DOCK1: variants seen among roughly 807,000 people sequenced by gnomAD.
DOCK1 encodes dedicator of cytokinesis protein 1.
Under a neutral mutation model 262.7 loss-of-function variants are expected in DOCK1, and 138 were observed. The ratio of observed to expected loss-of-function variants is 0.53; its 90% confidence interval spans 0.46 to 0.61. The LOEUF (loss-of-function observed/expected upper bound fraction) is 0.61. Ranked by LOEUF, DOCK1 falls within the 20% of genes least tolerant of loss-of-function variation. The pLI, the probability that DOCK1 is intolerant of heterozygous loss-of-function variation, is 0.00. For synonymous variants in DOCK1, 866 were observed against 867.4 expected (o/e 1.00, Z 0.03); for missense variants, 1,908 against 2,370.7 (o/e 0.80, Z 4.05).
chr10:127,061,327 C>T (rs560490397), intron 22 of DOCK1, among the ~76,000 whole-genome samples: 3 of 152,192 alleles, frequency 2.0e-5, no homozygotes, highest in Non-Finnish European at 4.4e-5. Flanking sequence ...GCTGAATTTC[C>T]CCATCCTCTT....
intron 1 of DOCK1, among the ~76,000 whole-genome samples, chr10:126,961,883 C>G (rs2037251257): frequency 6.6e-6 from 1 of 152,230 alleles, no homozygotes; most frequent in African/African-American, 2.4e-5. Flanking sequence ...TGCTGGATCT[C>G]ATGGTAATTT....
At chr10:126,996,535 ATTTTTTTTTTTTT>A (rs10538924) in intron 6 of DOCK1, among the ~76,000 whole-genome samples, 200 bp from the exon 7 acceptor site, 3 of 136,204 alleles carry the variant, frequency 2.2e-5, no homozygotes, top group African/African-American at 8.2e-5. Flanking sequence ...AAAATTGAGG[ATTTTTTTTTTTTT>A]TTTTTTTTTT....
chr10:127,280,906 G>T (rs1403376468), intron 29 of DOCK1, among the ~76,000 whole-genome samples: 3 of 152,276 alleles, frequency 2.0e-5, no homozygotes, highest in South Asian at 2.1e-4. Context: ...AGGAAGTGAA[G>T]ATCACGTCAG....
intron 27 of DOCK1, among the ~76,000 whole-genome samples, chr10:127,155,333 G>A (rs1246259376): frequency 6.6e-6 from 1 of 152,128 alleles, no homozygotes; most frequent in Non-Finnish European, 1.5e-5. Context: ...AAACTCAGAC[G>A]TGACCTCATG....
intron 12 of DOCK1, among the ~76,000 whole-genome samples, chr10:127,017,385 A>G (rs1194809534): frequency 6.6e-6 from 1 of 152,152 alleles, no homozygotes; most frequent in Non-Finnish European, 1.5e-5. Flanking sequence ...ACACAGACAT[A>G]CATACAGATA....
At chr10:127,218,140 T>G (rs2058290912) in intron 27 of DOCK1, among the ~76,000 whole-genome samples, 1 of 152,230 alleles carries the variant, frequency 6.6e-6, no homozygotes, top group African/African-American at 2.4e-5. Context: ...ATCTCATTAA[T>G]CTAAGAGAAT....
chr10:126,920,318 T>A (rs1591315988), intron 1 of DOCK1, among the ~76,000 whole-genome samples: 1 of 152,360 alleles, frequency 6.6e-6, no homozygotes, highest in East Asian at 1.9e-4. Context: ...TAAAACACTT[T>A]CCTAGTCCCC....
chr10:126,987,866 A>G (rs971678506), intron 5 of DOCK1, among the ~76,000 whole-genome samples: 3 of 152,064 alleles, frequency 2.0e-5, no homozygotes, highest in African/African-American at 7.2e-5. Context: ...GGACTGTAGG[A>G]TGTGTCTTTC....
chr10:127,253,774 C>T (rs2059736648), intron 28 of DOCK1, among the ~76,000 whole-genome samples: 1 of 149,522 alleles, frequency 6.7e-6, no homozygotes, highest in Admixed American at 6.8e-5. Flanking sequence ...ACTTGGGAGG[C>T]TGAGGCAGGA....
chr10:127,061,953 T>TG (rs2045562715), intron 23 of DOCK1, among the ~76,000 whole-genome samples, 177 bp downstream of exon 23: 1 of 92,162 alleles, frequency 1.1e-5, no homozygotes, highest in Non-Finnish European at 2.2e-5. Context: ...TTTTTTTTTT[T>TG]TGAGACAGAA....
chr10:127,291,370 A>G (rs1332838496), intron 29 of DOCK1, among the ~76,000 whole-genome samples: 1 of 152,182 alleles, frequency 6.6e-6, no homozygotes, highest in Non-Finnish European at 1.5e-5. Context: ...TCTCAGTCTC[A>G]GCCCCCACAA....
At chr10:126,964,990 T>C (rs2134598059) in intron 1 of DOCK1, among the ~76,000 whole-genome samples, 1 of 152,328 alleles carries the variant, frequency 6.6e-6, no homozygotes, top group Non-Finnish European at 1.5e-5. Flanking sequence ...TGCATTTTTA[T>C]TGAGTGCCTG....
At chr10:127,426,268 T>A (rs909052410) in intron 47 of DOCK1, among the ~76,000 whole-genome samples, 1 of 152,248 alleles carries the variant, frequency 6.6e-6, no homozygotes, top group Non-Finnish European at 1.5e-5. Flanking sequence ...CCTCACCTGC[T>A]GTGAACACAG....
Position 127,318,582 on chromosome 10 carries a change from C to T in DOCK1, c.3045-20424C>T, listed in dbSNP as rs537382166. On this transcript the variant is annotated intron_variant, in intron 29 of 51. Coordinates refer to ENST00000623213, the MANE Select transcript of DOCK1 (RefSeq NM_001290223.2). ...CAAGGCCACTCTGATGACTGCTTTC[C>T]CTCCCTGAGCCTCCTGCAGTGAGAG... is the stretch of plus-strand genomic sequence containing the variant. 2.6e-5 allele frequency among the ~76,000 whole-genome samples: 4 copies of T among 152,356 alleles called. No homozygotes were observed. In the East Asian group the frequency reaches 7.7e-4, roughly 29 times the overall value.
At chr10:126,969,771 C>T (rs772590067) in intron 1 of DOCK1, among the ~76,000 whole-genome samples, 1 of 152,002 alleles carries the variant, frequency 6.6e-6, no homozygotes, top group Admixed American at 6.5e-5. Context: ...TGGGAAGGTA[C>T]GGTGGCCCGT....
At chr10:127,197,762 G>C (rs1326913315) in intron 27 of DOCK1, among the ~76,000 whole-genome samples, 1 of 152,164 alleles carries the variant, frequency 6.6e-6, no homozygotes. Flanking sequence ...CCAAGCCATA[G>C]CTCCATCCTT....
At chr10:127,142,199 C>T (rs777283532) in intron 27 of DOCK1, among the ~76,000 whole-genome samples, 36 of 152,194 alleles carry the variant, frequency 2.4e-4, no homozygotes, top group Non-Finnish European at 4.1e-4. Context: ...GCTGTGTGCA[C>T]CTGCTTTCCC....
chr10:127,195,831 C>T (rs1589888512), intron 27 of DOCK1, among the ~76,000 whole-genome samples: 2 of 152,286 alleles, frequency 1.3e-5, no homozygotes, highest in South Asian at 2.1e-4. Flanking sequence ...CCCGGCTGCA[C>T]CGGGGTGTCC....
intron 47 of DOCK1, among the ~76,000 whole-genome samples, chr10:127,427,517 C>T (rs112949696): frequency 7.9e-5 from 12 of 152,188 alleles, no homozygotes; most frequent in East Asian, 7.7e-4. Context: ...CTCTGTGAAG[C>T]AGGCACTGCA....
Sources: allele counts gnomAD v4.1 joint callset (sites outside exome capture counted in the v4.1 genomes callset), GRCh38; gene constraint gnomAD v4.1.1; transcripts MANE v1.5; gene names NCBI Gene and HGNC (gene_info 2026-07-23, HGNC 2026-07-21).